The following GPC6 variants were observed in gnomAD, a reference collection of about 807,000 sequenced individuals.
GPC6 encodes the protein glypican-6.
A neutral mutation model predicts 55.2 loss-of-function variants in GPC6; 14 were observed. The ratio of observed to expected loss-of-function variants is 0.25; its 90% CI spans 0.17 to 0.40. The LOEUF (loss-of-function observed/expected upper bound fraction) is 0.40, where lower values mean the gene tolerates loss of function less well. GPC6 is among the 10% of genes least tolerant of loss of function. The probability of loss-of-function intolerance (pLI) is 1.00; values close to 1 mark genes in which losing one functional copy is unlikely to be tolerated. For synonymous variants in GPC6, 278 were observed against 259.6 expected, an observed-to-expected ratio of 1.07 and a Z score of -0.68; for missense variants, 641 against 708.5, an observed-to-expected ratio of 0.90 and a Z score of 1.08.
chr13:93,383,992 A>C (rs1034639296), intron 1 of GPC6, among the ~76,000 whole-genome samples: 4 of 152,090 alleles, frequency 2.6e-5, no homozygotes, highest in African/African-American at 9.7e-5. Flanking sequence ...TGCTATTATA[A>C]TCTTGATTTA....
chr13:93,903,532 C>A (rs910147710), intron 3 of GPC6, among the ~76,000 whole-genome samples: 3 of 152,060 alleles, frequency 2.0e-5, no homozygotes, highest in Non-Finnish European at 4.4e-5. Flanking sequence ...TTTTCCATAT[C>A]TTTGCTCAGA....
chr13:93,286,322 T>A, intron 1 of GPC6, among the ~76,000 whole-genome samples: 1 of 152,290 alleles, frequency 6.6e-6, no homozygotes, highest in Middle Eastern at 3.4e-3. Flanking sequence ...TTCGGTCCCA[T>A]GACATGTGAG....
At chr13:94,091,530 G>T (rs1885479047) in intron 4 of GPC6, among the ~76,000 whole-genome samples, 1 of 152,108 alleles carries the variant, frequency 6.6e-6, no homozygotes, top group Admixed American at 6.6e-5. Flanking sequence ...AAAGCAGGCA[G>T]ATATCTGTGG....
chr13:93,967,046 G>T (rs1359275545), intron 3 of GPC6, among the ~76,000 whole-genome samples: 1 of 152,146 alleles, frequency 6.6e-6, no homozygotes, highest in Non-Finnish European at 1.5e-5. Flanking sequence ...TAAGGCAGAA[G>T]AAAGCATGAG....
chr13:94,252,974 C>T (rs1177358934), intron 4 of GPC6, among the ~76,000 whole-genome samples: 1 of 146,264 alleles, frequency 6.8e-6, no homozygotes, highest in Non-Finnish European at 1.5e-5. Flanking sequence ...AAAAAAAAAG[C>T]AGTTTTCTGA....
intron 3 of GPC6, among the ~76,000 whole-genome samples, chr13:93,857,779 T>A (rs1325436348): frequency 1.3e-5 from 2 of 151,474 alleles, no homozygotes; most frequent in African/African-American, 4.8e-5. Context: ...AAGTTGCTAA[T>A]AATTTTTCCA....
chr13:93,757,463 GT>G (rs1447647738), intron 2 of GPC6, among the ~76,000 whole-genome samples: 1 of 152,160 alleles, frequency 6.6e-6, no homozygotes, highest in Non-Finnish European at 1.5e-5. Flanking sequence ...GCTGCCTAGA[GT>G]TTTCTGTTAC....
At chr13:93,760,025 CA>C (rs10639785) in intron 2 of GPC6, among the ~76,000 whole-genome samples, 17 of 148,094 alleles carry the variant, frequency 1.1e-4, no homozygotes, top group South Asian at 8.5e-4. Flanking sequence ...GCTGAGAAAA[CA>C]AAAAAAAAAA....
chr13:94,091,320 G>A (rs1249867082), intron 4 of GPC6, among the ~76,000 whole-genome samples: 2 of 131,682 alleles, frequency 1.5e-5, no homozygotes, highest in African/African-American at 2.8e-5. Context: ...TTGCAACTTG[G>A]AACTTCAGTT....
intron 1 of GPC6, among the ~76,000 whole-genome samples, chr13:93,383,150 A>G (rs185458978): frequency 6.6e-6 from 1 of 152,292 alleles, no homozygotes; most frequent in Non-Finnish European, 1.5e-5. Flanking sequence ...CCTTGAAACA[A>G]TATCTCCAGT....
chr13:93,969,817 T>C (rs1880205714), intron 3 of GPC6, among the ~76,000 whole-genome samples: 1 of 152,136 alleles, frequency 6.6e-6, no homozygotes. Flanking sequence ...AATGAGAGCA[T>C]GTGGTATTTG....
chr13:93,295,955 G>A (rs1380171213), intron 1 of GPC6, among the ~76,000 whole-genome samples: 1 of 152,012 alleles, frequency 6.6e-6, no homozygotes, highest in African/African-American at 2.4e-5. Context: ...TCAAGTGCTG[G>A]GATTACAGGC....
intron 2 of GPC6, among the ~76,000 whole-genome samples, chr13:93,570,067 A>G (rs1562190): frequency 0.9 from 137,605 of 152,102 alleles, 62,437 homozygotes; most frequent in African/African-American, 0.97. Context: ...CTGTTCCAAT[A>G]TCAAATAACT....
At chr13:94,362,314 T>C (rs985491899) in intron 6 of GPC6, among the ~76,000 whole-genome samples, 4 of 152,200 alleles carry the variant, frequency 2.6e-5, no homozygotes, top group African/African-American at 9.7e-5. Context: ...AAAATATCTA[T>C]CTTAAAACTT....
intron 6 of GPC6, among the ~76,000 whole-genome samples, chr13:94,339,751 C>CTTTTTTTTTTTTTTTTTTTTTT (rs56074677): frequency 3.1e-5 from 2 of 63,794 alleles, no homozygotes; most frequent in African/African-American, 6.8e-5. Flanking sequence ...GCATACTTTC[C>CTTTTTTTTTTTTTTTTTTTTTT]TTTTTTTTTT....
intron 1 of GPC6, among the ~76,000 whole-genome samples, chr13:93,442,992 T>TTAAAA (rs1877862296): frequency 1.3e-5 from 2 of 152,166 alleles, no homozygotes; most frequent in Non-Finnish European, 2.9e-5. Flanking sequence ...TTCTAGGTCT[T>TTAAAA]GTTTTCTTTC....
At position 94,405,386 on chromosome 13, in the gene GPC6, G is replaced by A. The variant is rs1372965890; in HGVS notation, c.*2169G>A. On this transcript the variant is annotated 3_prime_UTR_variant, in exon 9 of 9. Transcript: ENST00000377047. ...ATTTACATTGCTCATTTCATTCTGT[G>A]TTCAGAAGTCAGTATTGTCTTTCTC... is the stretch of plus-strand genomic sequence containing the variant. 1.3e-5 allele frequency: 2 copies of A among 152,134 alleles called. No individual in the cohort carries two copies. The highest frequency in any genetic ancestry group is 4.8e-5 in the African/African-American group (2 of 41,422). The allele number at this position is 152,134 out of a possible 1,614,324, so 9.4% of individuals were successfully genotyped here.
rs1883335320 is a variant in GPC6 at position 94,036,453 on chromosome 13, G to A, written c.877+8559G>A. ...GAATATATGGCATTACCCCAAGCAG[G>A]GATATATCTGTATGCATCACATTTT... On this transcript the variant is annotated intron_variant, in intron 4 of 8. Coordinates refer to ENST00000377047, the MANE Select transcript of GPC6 (RefSeq NM_005708.5). Among the ~76,000 whole-genome samples, 2 of 151,918 alleles carry A rather than the reference G, an allele frequency of 1.3e-5. 1 individual carries two copies. Among genetic ancestry groups the A allele is most frequent in the South Asian group, 4.1e-4 (2 of 4,826 alleles).
At chr13:93,602,357 C>T (rs1878052204) in intron 2 of GPC6, among the ~76,000 whole-genome samples, 1 of 152,134 alleles carries the variant, frequency 6.6e-6, no homozygotes, top group Non-Finnish European at 1.5e-5. Context: ...TCTGAACTTT[C>T]ATGAAATATT....
Sources: gnomAD v4.1 joint callset for allele counts (sites outside exome capture counted in the v4.1 genomes callset) on GRCh38, gnomAD v4.1.1 for gene constraint, MANE v1.5 for transcripts, NCBI Gene and HGNC (gene_info 2026-07-23, HGNC 2026-07-21) for gene names.